The following VPS13B variants were observed in gnomAD, a reference collection of about 807,000 sequenced individuals.
The protein encoded by VPS13B is vacuolar protein sorting 13 homolog B.
A neutral mutation model predicts 426.4 loss-of-function variants in VPS13B; 285 were observed. The observed-to-expected ratio is 0.67, with a 90% CI of 0.61 to 0.74. The LOEUF (loss-of-function observed/expected upper bound fraction) is 0.74. VPS13B is among the 30% of genes least tolerant of loss of function. The pLI, the probability that VPS13B is intolerant of heterozygous loss-of-function variation, is 0.00. For synonymous variants in VPS13B, 1,676 were observed against 1,676.4 expected, an observed-to-expected ratio of 1.00 and a Z score of 0.01; for missense variants, 4,537 against 4,782.6, an observed-to-expected ratio of 0.95 and a Z score of 1.51.
At chr8:99,041,726 G>A (rs1407125585) in intron 3 of VPS13B, among the ~76,000 whole-genome samples, 1 of 151,966 alleles carries the variant, frequency 6.6e-6, no homozygotes, top group African/African-American at 2.4e-5. Flanking sequence ...GGTGGCCGGC[G>A]CCTGTAGTCC....
At chr8:99,095,882 T>A (rs1222333290) in intron 3 of VPS13B, among the ~76,000 whole-genome samples, 1 of 152,128 alleles carries the variant, frequency 6.6e-6, no homozygotes, top group African/African-American at 2.4e-5. Flanking sequence ...TCATTAAAGA[T>A]GACCAAGATA....
chr8:99,702,864 C>A (rs1832341317), intron 36 of VPS13B, among the ~76,000 whole-genome samples: 3 of 151,826 alleles, frequency 2.0e-5, no homozygotes, highest in Non-Finnish European at 4.4e-5. Context: ...AATTTAGGAG[C>A]CGAAATAGAT....
At chr8:99,238,763 G>A (rs1361411940) in intron 17 of VPS13B, among the ~76,000 whole-genome samples, 1 of 151,960 alleles carries the variant, frequency 6.6e-6, no homozygotes, top group East Asian at 1.9e-4. Context: ...ATGCCAACCG[G>A]TGGCATTTTG....
rs562773462 is a variant in VPS13B, at chr8:99,848,640, C to T, written c.9943-136C>T. The T allele has an allele frequency of 2.1e-4, 176 of 844,580 alleles. 1 individual carries two copies. Among genetic ancestry groups the T allele is most frequent in the South Asian group, 1.5e-3 (108 of 72,640 alleles). 52.3% of individuals were successfully genotyped at this position (844,580 alleles called of 1,614,324 possible). On this transcript the variant is annotated intron_variant, in intron 54 of 61. Coordinates refer to ENST00000357162, the MANE Select transcript of VPS13B (RefSeq NM_152564.5). ...TTCATTTCAAGTCAACTGAATAGCC[C>T]GTACACATGGATATAAAGAAATATA...
chr8:99,126,987 T>C (rs775812835), intron 8 of VPS13B, among the ~76,000 whole-genome samples: 21 of 151,994 alleles, frequency 1.4e-4, no homozygotes, highest in South Asian at 4.1e-4. Flanking sequence ...ACCAGATACT[T>C]AGCAGGTTGA....
At chr8:99,225,893 T>G (rs1321951247) in intron 17 of VPS13B, among the ~76,000 whole-genome samples, 1 of 152,202 alleles carries the variant, frequency 6.6e-6, no homozygotes, top group African/African-American at 2.4e-5. Flanking sequence ...CATGATCATT[T>G]CATGACCTTC....
intron 35 of VPS13B, chr8:99,696,860 C>T (rs1024786302): frequency 3.4e-6 from 3 of 886,646 alleles, no homozygotes; most frequent in African/African-American, 3.3e-5. Flanking sequence ...GCTGGAGCTG[C>T]AGTCCATCGG....
intron 43 of VPS13B, among the ~76,000 whole-genome samples, chr8:99,790,981 A>G (rs1588713931): frequency 2.6e-5 from 4 of 152,226 alleles, no homozygotes; most frequent in South Asian, 4.1e-4. Flanking sequence ...TGAGGCCATG[A>G]TAGCACAAAG....
Position 99,571,567 on chromosome 8 carries a change from G to A in VPS13B, c.4950-4091G>A, listed in dbSNP as rs907750324. Among the ~76,000 whole-genome samples, 12 of 152,168 alleles carry A rather than the reference G, an allele frequency of 7.9e-5. No homozygotes were observed. In the South Asian group the frequency reaches 8.3e-4, roughly 11 times the overall value. On this transcript the variant is annotated intron_variant, in intron 31 of 61. Transcript: ENST00000357162. ...CATGATGGAGAGAAATGTATAATAT[G>A]GACAAGTACCCTTTTTTTCATTGCC...
At chr8:99,184,346 G>A (rs924160177) in intron 16 of VPS13B, among the ~76,000 whole-genome samples, 1 of 152,102 alleles carries the variant, frequency 6.6e-6, no homozygotes. Flanking sequence ...AATGTATGAG[G>A]TTCTTGTTTT....
rs1829395408 is a variant in VPS13B at position 99,642,149 on chromosome 8, A to G, written c.5559A>G (p.Pro1853=). The G allele has an allele frequency of 6.2e-7, 1 of 1,614,192 alleles. No homozygotes were observed. Among genetic ancestry groups the G allele is most frequent in the South Asian group, 1.1e-5 (1 of 91,086 alleles). The change falls in exon 34 of 62, where the codon CCA becomes CCG. Residue 1853 remains proline, a synonymous_variant. Transcript: ENST00000357162. ...EKTDKSSLNL[P]EVDSDVAKPN... Reference sequence around the variant, plus strand: ...CAGACAAGAGTTCATTAAATCTCCCAGAAGTTGATTCAGATGTTGCTAAGC... The same window carrying G: ...CAGACAAGAGTTCATTAAATCTCCCGGAAGTTGATTCAGATGTTGCTAAGC...
At position 99,663,363 on chromosome 8, in the gene VPS13B, A is replaced by G. The variant is rs538396183; in HGVS notation, c.6046+1872A>G. ...GTATGAAGAACTATTTCTAATCTTG[A>G]TAAACTCTAGATATGGTTTTAAATA... On this transcript the variant is annotated intron_variant, in intron 35 of 61. Coordinates refer to ENST00000357162, the MANE Select transcript of VPS13B (RefSeq NM_152564.5). Among the ~76,000 whole-genome samples the G allele has an allele frequency of 3.2e-3, 485 of 152,332 alleles. 4 individuals carry two copies. Among genetic ancestry groups the G allele is most frequent in the Middle Eastern group, 6.8e-3 (2 of 294 alleles).
chr8:99,789,838 C>A (rs1347079892), intron 43 of VPS13B, among the ~76,000 whole-genome samples: 3 of 152,042 alleles, frequency 2.0e-5, no homozygotes, highest in African/African-American at 7.2e-5. Flanking sequence ...TAACAACACA[C>A]AAGCAAATGC....
At chr8:99,659,483 A>G (rs1588597007) in intron 34 of VPS13B, among the ~76,000 whole-genome samples, 1 of 151,872 alleles carries the variant, frequency 6.6e-6, no homozygotes, top group Non-Finnish European at 1.5e-5. Flanking sequence ...TATGTTTTTT[A>G]GTTTTGGTGT....
intron 19 of VPS13B, among the ~76,000 whole-genome samples, chr8:99,317,267 T>C (rs1383086425): frequency 2.0e-5 from 3 of 152,172 alleles, no homozygotes; most frequent in African/African-American, 4.8e-5. Flanking sequence ...TTTGTACTTA[T>C]TTATGGGGTA....
Position 99,875,817 on chromosome 8 carries a change from C to T in VPS13B, c.*151C>T. ...CCACAAGTAGCTACGACTGCAAGCA[C>T]CTGCCACCATAAAGGGCTGCATTTT... is the stretch of plus-strand genomic sequence containing the variant. On this transcript the variant is annotated 3_prime_UTR_variant, in exon 62 of 62. Coordinates refer to ENST00000357162, the MANE Select transcript of VPS13B (RefSeq NM_152564.5). 2.0e-6 allele frequency: 2 copies of T among 1,015,838 alleles called. No individual in the cohort carries two copies. The highest frequency in any genetic ancestry group is 2.9e-6 in the Non-Finnish European group (2 of 683,220). 62.9% of individuals were successfully genotyped at this position (1,015,838 alleles called of 1,614,324 possible).
chr8:99,483,463 A>G (rs1164837816), intron 25 of VPS13B, among the ~76,000 whole-genome samples: 1 of 152,214 alleles, frequency 6.6e-6, no homozygotes, highest in African/African-American at 2.4e-5. Flanking sequence ...TTTATTGAAT[A>G]CAGCAGTTTC....
chr8:99,534,631 G>A (rs1304592944), intron 30 of VPS13B, among the ~76,000 whole-genome samples: 1 of 152,122 alleles, frequency 6.6e-6, no homozygotes, highest in African/African-American at 2.4e-5. Flanking sequence ...TGAGTTTAAA[G>A]ACAAGTGAGA....
At chr8:99,532,628 G>A (rs1397304519) in intron 30 of VPS13B, among the ~76,000 whole-genome samples, 1 of 151,818 alleles carries the variant, frequency 6.6e-6, no homozygotes, top group African/African-American at 2.4e-5. Flanking sequence ...TGTTTGCTCT[G>A]TTTCTTACTA....
Sources: allele counts gnomAD v4.1 joint callset (sites outside exome capture counted in the v4.1 genomes callset), GRCh38; gene constraint gnomAD v4.1.1; transcripts MANE v1.5; gene names NCBI Gene and HGNC (gene_info 2026-07-23, HGNC 2026-07-21).